Variants in AGXT2 observed in about 807,000 individuals in gnomAD.
AGXT2 encodes the protein alanine--glyoxylate aminotransferase 2, mitochondrial.
AGXT2 carries 61 observed loss-of-function variants against 62.5 expected under a neutral mutation model. The ratio of observed to expected loss-of-function variants is 0.98; its 90% confidence interval spans 0.79 to 1.21. The LOEUF (loss-of-function observed/expected upper bound fraction) is 1.21, where lower values mean the gene tolerates loss of function less well. Among genes scored for constraint, AGXT2 ranks in the 50% most tolerant of loss-of-function variants. The pLI is 0.00. For synonymous variants in AGXT2, 243 were observed against 218.7 expected (o/e 1.11, Z -0.98); for missense variants, 666 against 641.5 (o/e 1.04, Z -0.41).
chr5:35,029,957 C>G (rs928850145), intron 7 of AGXT2, among the ~76,000 whole-genome samples: 1 of 152,160 alleles, frequency 6.6e-6, no homozygotes, highest in African/African-American at 2.4e-5. Context: ...AAAATCTCTA[C>G]CATGGTTGGT....
intron 13 of AGXT2, among the ~76,000 whole-genome samples, chr5:34,999,306 T>A (rs981249824): frequency 2.0e-5 from 3 of 152,236 alleles, no homozygotes; most frequent in Admixed American, 1.3e-4. Flanking sequence ...TTCCTTTTCA[T>A]GAAGACTTCA....
In AGXT2 at chr5:35,025,790, TG is replaced by T. The variant is rs1767316069; in HGVS notation, c.935del (p.Ala312GlufsTer51). On this transcript the variant is annotated frameshift_variant, in exon 9 of 14. Coordinates refer to ENST00000231420, the MANE Select transcript of AGXT2 (RefSeq NM_031900.4). LOFTEE classifies it high-confidence loss of function. ...CATCTGCAATGCACACGCCTCCCCT[TG>T]CTCGCACCAGCTCAAAGGCTTCCTT... ...FLKEAFELVR[A>X]RGGVCIADEV... is the part of the protein sequence containing the mutation. 5.0e-6 allele frequency: 8 copies of T among 1,614,044 alleles called. No homozygotes were observed. The highest frequency in any genetic ancestry group is 5.9e-6 in the Non-Finnish European group (7 of 1,180,016).
intron 1 of AGXT2, among the ~76,000 whole-genome samples, chr5:35,046,467 A>C (rs538505324): frequency 2.6e-5 from 4 of 152,328 alleles, no homozygotes; most frequent in African/African-American, 9.6e-5. Flanking sequence ...AATCTCTTCG[A>C]GTTCGGAGTC....
At chr5:35,029,621 C>A (rs995022635) in intron 7 of AGXT2, among the ~76,000 whole-genome samples, 1 of 152,270 alleles carries the variant, frequency 6.6e-6, no homozygotes, top group Non-Finnish European at 1.5e-5. Flanking sequence ...AGAATTTATT[C>A]CAGCTAGTGG....
chr5:35,027,481 T>C (rs1481693834), intron 7 of AGXT2, among the ~76,000 whole-genome samples: 1 of 152,208 alleles, frequency 6.6e-6, no homozygotes, highest in Non-Finnish European at 1.5e-5. Flanking sequence ...CTTTTAAAAC[T>C]TGCTTTCTTA....
chr5:35,003,147 G>A (rs1194452793), intron 13 of AGXT2, among the ~76,000 whole-genome samples: 1 of 152,210 alleles, frequency 6.6e-6, no homozygotes, highest in African/African-American at 2.4e-5. Context: ...GGCTTTTCAA[G>A]GAAGGGAGTG....
At chr5:35,029,436 A>G (rs1371249221) in intron 7 of AGXT2, among the ~76,000 whole-genome samples, 2 of 152,214 alleles carry the variant, frequency 1.3e-5, no homozygotes, top group Admixed American at 1.3e-4. Flanking sequence ...CCACATGCTC[A>G]GCGATGAGAG....
At position 35,035,297 on chromosome 5, in the gene AGXT2, C is replaced by CAG. The variant is rs748540479; in HGVS notation, c.505_506insCT (p.Ser169ThrfsTer12). 6.2e-6 allele frequency: 10 copies of CAG among 1,613,922 alleles called. No homozygotes were observed. In the South Asian group the frequency reaches 1.1e-4, roughly 18 times the overall value. On this transcript the variant is annotated frameshift_variant, in exon 5 of 14. Coordinates refer to ENST00000231420, the MANE Select transcript of AGXT2 (RefSeq NM_031900.4). LOFTEE classifies it high-confidence loss of function. ...GGCCAGCTCATTGGCTTCTGAGCCA[C>CAG]TGTTCACCAAGAAAATGACCTGGAG...
chr5:35,020,614 A>G (rs1055900323), intron 9 of AGXT2, among the ~76,000 whole-genome samples: 2 of 152,220 alleles, frequency 1.3e-5, no homozygotes, highest in African/African-American at 4.8e-5. Flanking sequence ...CACAGCCAAT[A>G]TCATACTGAA....
chr5:35,034,716 C>A (rs1767700807), intron 5 of AGXT2, among the ~76,000 whole-genome samples: 1 of 152,132 alleles, frequency 6.6e-6, no homozygotes. Flanking sequence ...CTGAAAGAAG[C>A]AGAAATATAC....
intron 1 of AGXT2, among the ~76,000 whole-genome samples, chr5:35,045,105 A>G (rs1046273944): frequency 1.3e-5 from 2 of 152,214 alleles, no homozygotes; most frequent in Non-Finnish European, 2.9e-5. Flanking sequence ...CCCCACTGAG[A>G]TATTTCTCCA....
At chr5:35,040,030 C>CGTGT (rs779665826) in intron 2 of AGXT2, among the ~76,000 whole-genome samples, 1 of 150,644 alleles carries the variant, frequency 6.6e-6, no homozygotes, top group Non-Finnish European at 1.5e-5. Context: ...AAGGAGTTGC[C>CGTGT]GTGTGTGTGT....
intron 6 of AGXT2, 48 bp from the exon 7 acceptor site, chr5:35,032,873 G>A (rs1436963401): frequency 1.3e-6 from 2 of 1,495,846 alleles, no homozygotes; most frequent in East Asian, 2.4e-5. Flanking sequence ...ACACAAGACA[G>A]CCAAGTTAGG....
chr5:35,014,225 A>T (rs755243086), intron 9 of AGXT2, 106 bp from the exon 10 acceptor site: 42 of 1,480,574 alleles, frequency 2.8e-5, no homozygotes, highest in East Asian at 1.2e-4. Flanking sequence ...AGGCTGAAGC[A>T]GGTGGATCAT....
chr5:35,037,883 T>C (rs763181086), intron 3 of AGXT2, among the ~76,000 whole-genome samples: 16 of 152,196 alleles, frequency 1.1e-4, no homozygotes, highest in Non-Finnish European at 1.8e-4. Flanking sequence ...GGATGACAGA[T>C]TTGTGGAACC....
At chr5:35,018,495 A>G (rs1234451287) in intron 9 of AGXT2, among the ~76,000 whole-genome samples, 2 of 152,206 alleles carry the variant, frequency 1.3e-5, no homozygotes, top group African/African-American at 2.4e-5. Flanking sequence ...TGAAAGAGAA[A>G]TAAAATACTT....
chr5:34,999,751 G>A (rs1271099342), intron 13 of AGXT2, among the ~76,000 whole-genome samples: 1 of 152,044 alleles, frequency 6.6e-6, no homozygotes, highest in Non-Finnish European at 1.5e-5. Flanking sequence ...GAAAATTGAA[G>A]CTGCCACGCA....
chr5:35,045,254 C>A (rs139218391), intron 1 of AGXT2, among the ~76,000 whole-genome samples: 3 of 152,270 alleles, frequency 2.0e-5, no homozygotes, highest in Non-Finnish European at 4.4e-5. Flanking sequence ...AGATACTATA[C>A]AAGAATTGTG....
intron 1 of AGXT2, among the ~76,000 whole-genome samples, chr5:35,046,935 A>G (rs1413103602): frequency 2.6e-5 from 4 of 152,230 alleles, no homozygotes; most frequent in Non-Finnish European, 4.4e-5. Context: ...GATATTACTC[A>G]TAAAGCCACC....
Sources: allele counts gnomAD v4.1 joint callset (sites outside exome capture counted in the v4.1 genomes callset), GRCh38; gene constraint gnomAD v4.1.1; transcripts MANE v1.5; gene names NCBI Gene and HGNC (gene_info 2026-07-23, HGNC 2026-07-21).